The following STIM2 variants were observed in gnomAD, a reference collection of about 807,000 sequenced individuals.
STIM2 encodes stromal interaction molecule 2.
STIM2 carries 31 observed loss-of-function variants against 85.8 expected under a neutral mutation model. The ratio of observed to expected loss-of-function variants is 0.36; its 90% CI spans 0.27 to 0.49. The LOEUF is 0.49. Ranked by LOEUF, STIM2 falls within the 20% of genes least tolerant of loss-of-function variation. The pLI, the probability that STIM2 is intolerant of heterozygous loss-of-function variation, is 0.98. For synonymous variants in STIM2, 356 were observed against 331.1 expected (o/e 1.08, Z -0.82); for missense variants, 841 against 927.6 (o/e 0.91, Z 1.21).
Position 27,017,659 on chromosome 4 carries a change from G to C in STIM2, c.1490-52G>C, listed in dbSNP as rs966540585. The C allele has an allele frequency of 3.1e-6, 5 of 1,603,000 alleles. No homozygotes were observed. The African/African-American group carries it at 4.0e-5, about 13-fold the overall frequency. On this transcript the variant is annotated intron_variant, in intron 10 of 11. Transcript: ENST00000467087. ...TTGTGTGTATGTATTTGTGGTGACT[G>C]TAAAGGGAACCCTGGACTTCATGAG...
chr4:26,979,984 G>C (rs1429559141), intron 3 of STIM2, among the ~76,000 whole-genome samples: 1 of 151,844 alleles, frequency 6.6e-6, no homozygotes, highest in Admixed American at 6.6e-5. Context: ...GACTGTTCTC[G>C]AACTACTGGC....
chr4:26,929,520 A>C (rs1438148620), intron 2 of STIM2, among the ~76,000 whole-genome samples: 1 of 152,102 alleles, frequency 6.6e-6, no homozygotes, highest in Non-Finnish European at 1.5e-5. Flanking sequence ...TTTTAGCCCA[A>C]ATTTTAAAGT....
At chr4:26,918,202 G>T (rs142563477) in intron 1 of STIM2, among the ~76,000 whole-genome samples, 355 of 148,578 alleles carry the variant, frequency 2.4e-3, no homozygotes, top group African/African-American at 8.5e-3. Flanking sequence ...GCTGTAATTG[G>T]AACATGTTAG....
In STIM2 at chr4:27,013,597, T is replaced by A. The variant is rs190434514; in HGVS notation, c.1490-4114T>A. Among the ~76,000 whole-genome samples the A allele has an allele frequency of 2.7e-3, 414 of 152,162 alleles. 1 individual carries two copies. Among genetic ancestry groups the A allele is most frequent in the African/African-American group, 9.6e-3 (401 of 41,568 alleles). The stretch of plus-strand genomic sequence containing the variant: ...AAGATTGCTTGGGTTTGATTCTTTG[T>A]TCACCTTGTAGTAATTCTATTACCT... On this transcript the variant is annotated intron_variant, in intron 10 of 11. Coordinates refer to ENST00000467087, the MANE Select transcript of STIM2 (RefSeq NM_020860.4).
intron 1 of STIM2, among the ~76,000 whole-genome samples, chr4:26,892,535 G>A (rs950403087): frequency 2.0e-5 from 3 of 151,952 alleles, no homozygotes; most frequent in Admixed American, 1.3e-4. Flanking sequence ...TTTTGGGGGG[G>A]GACGCATATA....
chr4:26,977,623 T>C (rs1443291140), intron 3 of STIM2, among the ~76,000 whole-genome samples: 1 of 152,186 alleles, frequency 6.6e-6, no homozygotes, highest in African/African-American at 2.4e-5. Context: ...GGATTTGCTG[T>C]GGAATTGAAT....
chr4:26,969,797 C>G (rs1726863574), intron 3 of STIM2, among the ~76,000 whole-genome samples: 1 of 151,914 alleles, frequency 6.6e-6, no homozygotes. Flanking sequence ...TCAAGGATGC[C>G]CCAAAGAGTA....
intron 4 of STIM2, among the ~76,000 whole-genome samples, chr4:26,998,772 C>T (rs964229176): frequency 1.3e-5 from 2 of 151,672 alleles, no homozygotes; most frequent in Non-Finnish European, 2.9e-5. Flanking sequence ...ATTACCCAGG[C>T]GTGGTGGCAC....
chr4:26,982,524 A>G (rs1396582877), intron 3 of STIM2, among the ~76,000 whole-genome samples: 1 of 151,860 alleles, frequency 6.6e-6, no homozygotes, highest in Admixed American at 6.6e-5. Context: ...TTATTCTTTT[A>G]TATATCCTTC....
chr4:26,961,925 A>AT (rs1232708451), intron 3 of STIM2, among the ~76,000 whole-genome samples: 3 of 151,924 alleles, frequency 2.0e-5, no homozygotes, highest in South Asian at 2.1e-4. Context: ...CTTATTTTTT[A>AT]TTTTTTGTTG....
At chr4:26,885,559 T>A (rs1369040034) in intron 1 of STIM2, among the ~76,000 whole-genome samples, 4 of 152,058 alleles carry the variant, frequency 2.6e-5, no homozygotes, top group African/African-American at 9.7e-5. Context: ...AGGCTTGAAT[T>A]GTAAATCTTG....
At chr4:26,950,198 A>C (rs1725993532) in intron 2 of STIM2, among the ~76,000 whole-genome samples, 1 of 152,242 alleles carries the variant, frequency 6.6e-6, no homozygotes, top group Non-Finnish European at 1.5e-5. Context: ...TGTTTTAAGC[A>C]TTCAGACTAA....
At chr4:26,954,884 G>A (rs1026891637) in intron 2 of STIM2, among the ~76,000 whole-genome samples, 2 of 147,538 alleles carry the variant, frequency 1.4e-5, no homozygotes, top group African/African-American at 5.2e-5. Flanking sequence ...TGATATCCTG[G>A]AGACATACTT....
At chr4:26,890,395 C>T (rs1723422547) in intron 1 of STIM2, among the ~76,000 whole-genome samples, 1 of 152,138 alleles carries the variant, frequency 6.6e-6, no homozygotes, top group Admixed American at 6.5e-5. Flanking sequence ...GGAGTACTGC[C>T]ATGCATGCCC....
chr4:26,887,300 C>G (rs1399105277), intron 1 of STIM2, among the ~76,000 whole-genome samples: 7 of 142,402 alleles, frequency 4.9e-5, no homozygotes, highest in Non-Finnish European at 1.1e-4. Flanking sequence ...TCATTTTCTA[C>G]TTGGGTTAAG....
At chr4:26,913,278 T>C (rs1724408655) in intron 1 of STIM2, among the ~76,000 whole-genome samples, 1 of 151,816 alleles carries the variant, frequency 6.6e-6, no homozygotes, top group Non-Finnish European at 1.5e-5. Flanking sequence ...GTAGTAATTA[T>C]ATATAGTAAT....
At chr4:26,991,217 T>A (rs902561574) in intron 3 of STIM2, among the ~76,000 whole-genome samples, 3 of 152,078 alleles carry the variant, frequency 2.0e-5, no homozygotes, top group East Asian at 1.9e-4. Context: ...AAAGAAAATG[T>A]GGTATGTATA....
chr4:26,949,876 A>G (rs1304870050), intron 2 of STIM2, among the ~76,000 whole-genome samples: 2 of 152,208 alleles, frequency 1.3e-5, no homozygotes, highest in African/African-American at 4.8e-5. Context: ...AATCATATGC[A>G]AATATATACA....
intron 3 of STIM2, among the ~76,000 whole-genome samples, chr4:26,977,150 G>A (rs1374060508): frequency 2.0e-5 from 3 of 152,102 alleles, no homozygotes; most frequent in Admixed American, 2.0e-4. Flanking sequence ...GGACAATCTG[G>A]GTGAAGTATA....
Sources: allele counts gnomAD v4.1 joint callset (sites outside exome capture counted in the v4.1 genomes callset), GRCh38; gene constraint gnomAD v4.1.1; transcripts MANE v1.5; gene names NCBI Gene and HGNC (gene_info 2026-07-23, HGNC 2026-07-21).